Variants in HDAC3 observed in about 807,000 individuals in gnomAD.
HDAC3 encodes histone deacetylase 3.
Under a neutral mutation model 62.3 loss-of-function variants are expected in HDAC3, and 21 were observed. The ratio of observed to expected loss-of-function variants is 0.34; its 90% CI spans 0.24 to 0.49. The LOEUF (loss-of-function observed/expected upper bound fraction) is 0.49. Ranked by LOEUF, HDAC3 falls within the 20% of genes least tolerant of loss-of-function variation. HDAC3 has a pLI of 0.99. For synonymous variants in HDAC3, 198 were observed against 206.5 expected (o/e 0.96, Z 0.35); for missense variants, 270 against 556.9 (o/e 0.48, Z 5.19).
At chr5:141,624,343 T>G in intron 14 of HDAC3, among the ~76,000 whole-genome samples, 1 of 110,238 alleles carries the variant, frequency 9.1e-6, no homozygotes, top group Non-Finnish European at 1.7e-5. Context: ...GAGACCAGCC[T>G]GGGCAACAAG....
chr5:141,626,697 C>A lies in HDAC3; in HGVS notation c.831-414G>T, dbSNP rs1477845657. ...GGCAGAGCTTGCACTGAGCCAAGAT[C>A]GTGCCACTGCACTCCAGCCTGGGTG... On this transcript the variant is annotated intron_variant, in intron 10 of 14. Coordinates refer to ENST00000305264, the MANE Select transcript of HDAC3 (RefSeq NM_003883.4). The surrounding 1 kb of genome is among the most constrained non-coding windows in gnomAD (Gnocchi z 4.6). Among the ~76,000 whole-genome samples, 4 of 151,026 alleles carry A rather than the reference C, an allele frequency of 2.6e-5. No individual in the cohort carries two copies. Among genetic ancestry groups the A allele is most frequent in the Non-Finnish European group, 5.9e-5 (4 of 67,818 alleles).
rs2099904969 is a variant in HDAC3 at position 141,630,040 on chromosome 5, T to A, written c.363+4A>T. On this transcript the variant is annotated splice_donor_region_variant and intron_variant, in intron 4 of 14. Coordinates refer to ENST00000305264, the MANE Select transcript of HDAC3 (RefSeq NM_003883.4). ...AGGAAGAACAGGACTCGGGACTATG[T>A]CACCTTGTTGTTCAGCTGGGTTGCT... The A allele has an allele frequency of 6.2e-7, 1 of 1,614,056 alleles. No homozygotes were observed. Among genetic ancestry groups the A allele is most frequent in the Non-Finnish European group, 8.5e-7 (1 of 1,180,004 alleles).
Position 141,634,911 on chromosome 5 carries a change from A to G in HDAC3, c.181T>C (p.Phe61Leu). The change falls in exon 3 of 15, where the codon TTC becomes CTC. Residue 61 changes from phenylalanine (F) to leucine (L), a missense_variant. By Grantham distance (22) the Phe-to-Leu change is conservative. Coordinates refer to ENST00000305264, the MANE Select transcript of HDAC3 (RefSeq NM_003883.4). The part of the protein sequence containing the change: ...YQASQHDMCR[F>L]HSEDYIDFLQ... ...AAGTCAATGTAGTCCTCGGAGTGGAAGCGGCACATGTCATGTTGGGAGGCC... is the reference window on the plus strand; with the variant it reads ...AAGTCAATGTAGTCCTCGGAGTGGAGGCGGCACATGTCATGTTGGGAGGCC... 1 of 1,614,102 alleles carries G rather than the reference A, an allele frequency of 6.2e-7. No individual in the cohort carries two copies. Among genetic ancestry groups the G allele is most frequent in the Non-Finnish European group, 8.5e-7 (1 of 1,180,012 alleles).
chr5:141,624,916 A>T (rs1596435302), intron 14 of HDAC3: 1 of 313,466 alleles, frequency 3.2e-6, no homozygotes, highest in Non-Finnish European at 5.9e-6. Flanking sequence ...TTTGCAATCT[A>T]TAGAAAAAGG....
chr5:141,636,519 C>A, intron 2 of HDAC3, 29 bp downstream of exon 2: 6 of 1,608,988 alleles, frequency 3.7e-6, no homozygotes, highest in Non-Finnish European at 5.1e-6. Context: ...CCCCACCCCC[C>A]AACCCCCGGC....
At chr5:141,634,023 A>G (rs2099905619) in intron 3 of HDAC3, among the ~76,000 whole-genome samples, 1 of 152,110 alleles carries the variant, frequency 6.6e-6, no homozygotes, top group Non-Finnish European at 1.5e-5. Flanking sequence ...ATGGATATAG[A>G]GTAGAGTGTG....
intron 14 of HDAC3, among the ~76,000 whole-genome samples, chr5:141,621,906 A>G (rs1450994724): frequency 6.6e-6 from 1 of 152,208 alleles, no homozygotes; most frequent in Non-Finnish European, 1.5e-5. Context: ...AAAGGGTGAA[A>G]TTTCAGACAG....
chr5:141,623,894 A>G (rs969560594), intron 14 of HDAC3, among the ~76,000 whole-genome samples: 2 of 152,000 alleles, frequency 1.3e-5, no homozygotes, highest in South Asian at 4.1e-4. Context: ...CATTAAGTGC[A>G]TCTGTTTCTG....
chr5:141,627,047 C>G (rs1289610674), intron 10 of HDAC3, among the ~76,000 whole-genome samples: 1 of 152,104 alleles, frequency 6.6e-6, no homozygotes, highest in Non-Finnish European at 1.5e-5. Flanking sequence ...GAATATAATT[C>G]AAACTCCTTA....
chr5:141,628,720 A>T lies in HDAC3; in HGVS notation c.611-81T>A. ...TTTCAGCCCCAATCTGCACTCTGGG[A>T]GCCTCTCATTCCATCTATGTAGCTT... On this transcript the variant is annotated intron_variant, in intron 7 of 14. Transcript: ENST00000305264. The surrounding 1 kb of genome is among the most constrained non-coding windows in gnomAD (Gnocchi z 4.7). 1 of 987,692 alleles carries T rather than the reference A, an allele frequency of 1.0e-6. No homozygotes were observed. Among genetic ancestry groups the T allele is most frequent in the Non-Finnish European group, 1.6e-6 (1 of 627,792 alleles). 61.2% of individuals were successfully genotyped at this position (987,692 alleles called of 1,614,324 possible).
Position 141,629,569 on chromosome 5 carries a change from A to G in HDAC3, c.476+115T>C. The G allele has an allele frequency of 1.8e-6, 2 of 1,105,706 alleles. No individual in the cohort carries two copies. Among genetic ancestry groups the G allele is most frequent in the South Asian group, 1.3e-5 (1 of 74,620 alleles). 68.5% of individuals were successfully genotyped at this position (1,105,706 alleles called of 1,614,324 possible). A position where few individuals can be genotyped will look rare whatever the true frequency, so the allele number is the denominator to read the frequency against. On this transcript the variant is annotated intron_variant, in intron 6 of 14. Transcript: ENST00000305264. The surrounding 1 kb of genome is among the most constrained non-coding windows in gnomAD (Gnocchi z 5.3). Reference sequence around the variant, plus strand: ...GAAGAGGCAGCCTGAATAAAGCATCAAGAACTTGGGAGAAGCTAATCAGGG... The same window carrying G: ...GAAGAGGCAGCCTGAATAAAGCATCGAGAACTTGGGAGAAGCTAATCAGGG...
chr5:141,634,475 T>G (rs911104625), intron 3 of HDAC3, among the ~76,000 whole-genome samples: 2 of 152,156 alleles, frequency 1.3e-5, no homozygotes, highest in African/African-American at 2.4e-5. Flanking sequence ...CAATCTTTAC[T>G]TCCTCTAGGA....
chr5:141,631,453 A>G (rs747325917), intron 3 of HDAC3, among the ~76,000 whole-genome samples: 3 of 152,264 alleles, frequency 2.0e-5, no homozygotes, highest in Non-Finnish European at 4.4e-5. Context: ...TTGGCTTGAT[A>G]GTAAATGAAT....
intron 3 of HDAC3, among the ~76,000 whole-genome samples, chr5:141,631,164 T>A (rs1415053213): frequency 2.0e-5 from 3 of 152,048 alleles, no homozygotes; most frequent in Non-Finnish European, 4.4e-5. Flanking sequence ...TTTGACCATG[T>A]GAAAAACAGA....
Position 141,629,327 on chromosome 5 carries a change from G to A in HDAC3, c.477-21C>T, listed in dbSNP as rs1163736506. On this transcript the variant is annotated intron_variant, in intron 6 of 14. Coordinates refer to ENST00000305264, the MANE Select transcript of HDAC3 (RefSeq NM_003883.4). The surrounding 1 kb of genome is among the most constrained non-coding windows in gnomAD (Gnocchi z 5.3). ...GGTACCTAGAGGGAAGCCAAAGCCA[G>A]GGTCTGAGCTAGAAGTGAACCCCCC... 1 of 1,613,978 alleles carries A rather than the reference G, an allele frequency of 6.2e-7. No individual in the cohort carries two copies. The highest frequency in any genetic ancestry group is 8.5e-7 in the Non-Finnish European group (1 of 1,180,010).
intron 3 of HDAC3, among the ~76,000 whole-genome samples, chr5:141,634,530 C>T (rs543556305): frequency 1.3e-5 from 2 of 152,300 alleles, no homozygotes; most frequent in East Asian, 1.9e-4. Flanking sequence ...CAATCCTCCA[C>T]GTATACACTC....
rs115644441 is a variant in HDAC3, at chr5:141,628,934, C to T, written c.610+239G>A. Among the ~76,000 whole-genome samples, 155 of 152,126 alleles carry T rather than the reference C, an allele frequency of 1.0e-3. 1 individual carries two copies. Among genetic ancestry groups the T allele is most frequent in the African/African-American group, 3.7e-3 (154 of 41,470 alleles). On this transcript the variant is annotated intron_variant, in intron 7 of 14. Coordinates refer to ENST00000305264, the MANE Select transcript of HDAC3 (RefSeq NM_003883.4). This position sits in a 1 kb window ranked among gnomAD's most constrained non-coding sequence, Gnocchi z 4.7. ...GGAATAGCCATGAGGAGGAGGGAGGCAGTAAACAAAACAAAACAAAAAACC... is the reference window on the plus strand; with the variant it reads ...GGAATAGCCATGAGGAGGAGGGAGGTAGTAAACAAAACAAAACAAAAAACC...
In HDAC3 at chr5:141,628,050, C is replaced by G. The variant is rs2099904698; in HGVS notation, c.765+64G>C. On this transcript the variant is annotated intron_variant, in intron 9 of 14. Transcript: ENST00000305264. This position sits in a 1 kb window ranked among gnomAD's most constrained non-coding sequence, Gnocchi z 4.7. The stretch of plus-strand genomic sequence containing the variant: ...CCACCACCAACCTAAAGAACCTCCT[C>G]TTCCCTTGCTCTCTTTCCCCAAGCC... 2 of 1,600,440 alleles carry G rather than the reference C, an allele frequency of 1.2e-6. No individual in the cohort carries two copies. Among genetic ancestry groups the G allele is most frequent in the African/African-American group, 2.7e-5 (2 of 74,766 alleles).
In HDAC3 at chr5:141,627,337, G is replaced by C. The variant is rs141633011; in HGVS notation, c.830+556C>G. 9.1e-4 allele frequency among the ~76,000 whole-genome samples: 139 copies of C among 152,244 alleles called. 2 individuals carry two copies. In the East Asian group the frequency reaches 0.025, roughly 28 times the overall value. On this transcript the variant is annotated intron_variant, in intron 10 of 14. Coordinates refer to ENST00000305264, the MANE Select transcript of HDAC3 (RefSeq NM_003883.4). ...AGGCGATTCTCCCACCTTGGCCTCT[G>C]GAAGTGTTGGGATTATAGGTGTGTG...
Sources: allele counts gnomAD v4.1 joint callset (sites outside exome capture counted in the v4.1 genomes callset), GRCh38; gene constraint gnomAD v4.1.1; non-coding constraint Gnocchi (gnomAD v3.1); transcripts MANE v1.5; gene names NCBI Gene and HGNC (gene_info 2026-07-23, HGNC 2026-07-21).